SGSM1: variants seen among roughly 807,000 people sequenced by gnomAD.
The protein encoded by SGSM1 is small G protein signaling modulator 1.
SGSM1 carries 73 observed loss-of-function variants against 133.8 expected under a neutral mutation model. The observed-to-expected ratio is 0.55, with a 90% CI of 0.45 to 0.66. The LOEUF is 0.66. Ranked by LOEUF, SGSM1 falls within the 30% of genes least tolerant of loss-of-function variation. The pLI, the probability that SGSM1 is intolerant of heterozygous loss-of-function variation, is 0.00. For synonymous variants in SGSM1, 563 were observed against 573.0 expected, an observed-to-expected ratio of 0.98 and a Z score of 0.25; for missense variants, 1,213 against 1,448.1, an observed-to-expected ratio of 0.84 and a Z score of 2.64.
intron 16 of SGSM1, among the ~76,000 whole-genome samples, chr22:24,888,047 G>A (rs759381182): frequency 8.6e-5 from 13 of 152,046 alleles, no homozygotes; most frequent in Non-Finnish European, 1.5e-4. Context: ...TGGATTGTTT[G>A]GTTTTTTTTC....
At chr22:24,901,130 C>G (rs1933145725) in intron 19 of SGSM1, 1 of 152,130 alleles carries the variant, frequency 6.6e-6, no homozygotes, top group Admixed American at 6.6e-5. Context: ...TATAATCAGT[C>G]AGGTATTGTA....
intron 22 of SGSM1, among the ~76,000 whole-genome samples, chr22:24,916,894 T>C (rs2123743982): frequency 6.6e-6 from 1 of 152,170 alleles, no homozygotes; most frequent in African/African-American, 2.4e-5. Flanking sequence ...CATTTTGTTT[T>C]TTTAGATAGG....
chr22:24,882,898 T>TC (rs1395934305), intron 14 of SGSM1, among the ~76,000 whole-genome samples: 4 of 151,790 alleles, frequency 2.6e-5, no homozygotes, highest in African/African-American at 9.7e-5. Flanking sequence ...TTCTTTTTTT[T>TC]TTTCTTTCTT....
At chr22:24,923,346 A>G (rs1934079271) in intron 24 of SGSM1, among the ~76,000 whole-genome samples, 1 of 142,886 alleles carries the variant, frequency 7.0e-6, no homozygotes, top group Non-Finnish European at 1.6e-5. Flanking sequence ...TCTTAGTTTT[A>G]GTGTTTTTCT....
At chr22:24,839,896 T>G (rs943496936) in intron 2 of SGSM1, among the ~76,000 whole-genome samples, 1 of 151,994 alleles carries the variant, frequency 6.6e-6, no homozygotes, top group African/African-American at 2.4e-5. Flanking sequence ...GCTAATGGTT[T>G]GTCAGTTTTG....
At chr22:24,884,012 C>T in intron 14 of SGSM1, 41 bp from the exon 15 acceptor site, 1 of 1,551,302 alleles carries the variant, frequency 6.4e-7, no homozygotes, top group Non-Finnish European at 8.7e-7. Context: ...TGAGGGGCTT[C>T]AGGTGGTGGA....
intron 2 of SGSM1, among the ~76,000 whole-genome samples, chr22:24,808,762 ATCAGTGTCCTCTAAGGTCTGACCCGTG>A (rs1167523229): frequency 6.6e-6 from 1 of 152,118 alleles, no homozygotes; most frequent in Admixed American, 6.6e-5. Flanking sequence ...ATGCATTAGT[ATCAGTGTCCTCTAAGGTCTGACCCGTG>A]TCAGTCTAGT....
intron 2 of SGSM1, among the ~76,000 whole-genome samples, chr22:24,811,328 C>G (rs1927723284): frequency 6.6e-6 from 1 of 152,128 alleles, no homozygotes; most frequent in African/African-American, 2.4e-5. Flanking sequence ...CCTGCTGCGC[C>G]CTTCACTTCT....
chr22:24,874,611 C>A, intron 12 of SGSM1: 3 of 1,545,078 alleles, frequency 1.9e-6, no homozygotes, highest in Non-Finnish European at 2.6e-6. Flanking sequence ...TCCCCAGGGG[C>A]TGGGTGCCAG....
chr22:24,894,271 TA>T (rs1179018534), intron 17 of SGSM1, among the ~76,000 whole-genome samples: 1 of 152,176 alleles, frequency 6.6e-6, no homozygotes, highest in Non-Finnish European at 1.5e-5. Context: ...TGAGCGCCTG[TA>T]ATCCCAGCTA....
At chr22:24,814,174 A>G (rs1927922505) in intron 2 of SGSM1, 1 of 152,192 alleles carries the variant, frequency 6.6e-6, no homozygotes. Context: ...AAGACTAATT[A>G]AAACTAAGTA....
At chr22:24,877,918 C>G (rs9917611) in intron 13 of SGSM1, among the ~76,000 whole-genome samples, 1,735 of 138,500 alleles carry the variant, frequency 0.013, 15 homozygotes, top group African/African-American at 0.043. Context: ...TTAAGCAATT[C>G]TCCTGCCTCA....
intron 2 of SGSM1, among the ~76,000 whole-genome samples, chr22:24,808,050 A>G (rs1231876414): frequency 6.6e-6 from 1 of 151,090 alleles, no homozygotes; most frequent in East Asian, 1.9e-4. Context: ...CAGCCCTTGT[A>G]TAGACTCCTG....
chr22:24,879,841 G>T (rs564377462), intron 14 of SGSM1, among the ~76,000 whole-genome samples: 1 of 152,224 alleles, frequency 6.6e-6, no homozygotes, highest in Admixed American at 6.5e-5. Context: ...ATTGAATGAG[G>T]ACCACGTAGA....
chr22:24,861,748 G>A (rs906127939), intron 9 of SGSM1, among the ~76,000 whole-genome samples: 2 of 151,502 alleles, frequency 1.3e-5, no homozygotes, highest in East Asian at 2.0e-4. Flanking sequence ...GGGTTTCATC[G>A]TGTTGGCCAG....
At chr22:24,851,449 GGAGAGAGAGAGAGAGAGAGAGA>G (rs56956761) in intron 5 of SGSM1, among the ~76,000 whole-genome samples, 1 of 112,822 alleles carries the variant, frequency 8.9e-6, no homozygotes, top group African/African-American at 3.5e-5. Context: ...GGGGGTGGGG[GGAGAGAGAGAGAGAGAGAGAGA>G]GAGAGAGAGA....
intron 22 of SGSM1, among the ~76,000 whole-genome samples, chr22:24,917,148 C>T (rs550950153): frequency 6.0e-5 from 9 of 150,884 alleles, no homozygotes; most frequent in African/African-American, 2.2e-4. Flanking sequence ...TTGCCTTGGC[C>T]TCGCAAAGTG....
intron 16 of SGSM1, among the ~76,000 whole-genome samples, chr22:24,889,839 C>T (rs1377739841): frequency 4.7e-5 from 7 of 148,320 alleles, no homozygotes; most frequent in African/African-American, 1.2e-4. Context: ...TTAGTAGAGA[C>T]GAGGTTTCAC....
chr22:24,824,668 AT>A (rs1161320485), intron 2 of SGSM1, among the ~76,000 whole-genome samples: 1 of 151,842 alleles, frequency 6.6e-6, no homozygotes, highest in Non-Finnish European at 1.5e-5. Flanking sequence ...GTCACGGGCG[AT>A]TTTTTTCTCT....
Sources: gnomAD v4.1 joint callset for allele counts (sites outside exome capture counted in the v4.1 genomes callset) on GRCh38, gnomAD v4.1.1 for gene constraint, MANE v1.5 for transcripts, NCBI Gene and HGNC (gene_info 2026-07-23, HGNC 2026-07-21) for gene names.